Variants in PTPRM observed in about 807,000 individuals in gnomAD.
PTPRM encodes receptor-type tyrosine-protein phosphatase mu.
PTPRM carries 47 observed loss-of-function variants against 186.7 expected under a neutral mutation model. The ratio of observed to expected loss-of-function variants is 0.25; its 90% CI spans 0.20 to 0.32. PTPRM has a LOEUF of 0.32. Ranked by LOEUF, PTPRM falls within the 10% of genes least tolerant of loss-of-function variation. The probability of loss-of-function intolerance (pLI) is 1.00; values close to 1 mark genes in which losing one functional copy is unlikely to be tolerated. For missense variants in PTPRM, 1,494 were observed against 1,865.0 expected (o/e 0.80, Z 3.66); for synonymous variants, 668 against 674.9 (o/e 0.99, Z 0.16).
At chr18:8,232,133 G>T (rs931736250) in intron 14 of PTPRM, among the ~76,000 whole-genome samples, 1 of 152,114 alleles carries the variant, frequency 6.6e-6, no homozygotes, top group Admixed American at 6.5e-5. Context: ...TCATAGTCTT[G>T]CCTCTTCCAG....
chr18:7,807,976 C>T (rs1007522542), intron 2 of PTPRM, among the ~76,000 whole-genome samples: 3 of 151,980 alleles, frequency 2.0e-5, no homozygotes, highest in Non-Finnish European at 4.4e-5. Context: ...TTTTCTCACT[C>T]CAGAGATAAA....
At chr18:7,856,260 T>C (rs891054016) in intron 2 of PTPRM, among the ~76,000 whole-genome samples, 1 of 152,206 alleles carries the variant, frequency 6.6e-6, no homozygotes, top group Non-Finnish European at 1.5e-5. Flanking sequence ...CTGTCTTGAT[T>C]GCAAAGATTT....
At chr18:7,811,948 G>A (rs1247480744) in intron 2 of PTPRM, among the ~76,000 whole-genome samples, 1 of 152,166 alleles carries the variant, frequency 6.6e-6, no homozygotes, top group Non-Finnish European at 1.5e-5. Context: ...ATTACTTTAT[G>A]TAAAGTTTTC....
intron 1 of PTPRM, among the ~76,000 whole-genome samples, chr18:7,685,464 C>T (rs1413750322): frequency 6.6e-6 from 1 of 152,150 alleles, no homozygotes; most frequent in Non-Finnish European, 1.5e-5. Flanking sequence ...TATTTATATC[C>T]AGACTCTTAA....
intron 1 of PTPRM, among the ~76,000 whole-genome samples, chr18:7,579,856 AG>A (rs1466091278): frequency 6.6e-6 from 1 of 152,212 alleles, no homozygotes; most frequent in East Asian, 1.9e-4. Flanking sequence ...GATTTGTCTT[AG>A]GTGCCCCATA....
intron 22 of PTPRM, among the ~76,000 whole-genome samples, chr18:8,336,070 C>G (rs1468412384): frequency 6.6e-6 from 1 of 151,922 alleles, no homozygotes; most frequent in Non-Finnish European, 1.5e-5. Context: ...TATTACCAAC[C>G]TCTACTGCTT....
intron 19 of PTPRM, among the ~76,000 whole-genome samples, chr18:8,257,952 A>G (rs997484003): frequency 3.5e-4 from 54 of 152,164 alleles, no homozygotes; most frequent in Non-Finnish European, 8.8e-5. Flanking sequence ...TGTGGTGGGG[A>G]TGAGATGGAG....
At chr18:7,708,640 A>C (rs2040147517) in intron 1 of PTPRM, among the ~76,000 whole-genome samples, 2 of 152,140 alleles carry the variant, frequency 1.3e-5, no homozygotes, top group Admixed American at 1.3e-4. Context: ...AGGGAGAGGA[A>C]AAAAAACATG....
intron 7 of PTPRM, among the ~76,000 whole-genome samples, chr18:8,003,333 C>T (rs1355066266): frequency 1.3e-5 from 2 of 152,172 alleles, no homozygotes; most frequent in African/African-American, 4.8e-5. Flanking sequence ...ATTGTGAGGC[C>T]TCCCCAGCCA....
At chr18:8,247,347 G>A (rs536269035) in intron 15 of PTPRM, among the ~76,000 whole-genome samples, 11 of 152,180 alleles carry the variant, frequency 7.2e-5, no homozygotes, top group Admixed American at 1.3e-4. Flanking sequence ...TAAGGAACAC[G>A]CATGGAGCAC....
At chr18:7,732,025 G>T (rs539460440) in intron 1 of PTPRM, among the ~76,000 whole-genome samples, 7 of 152,290 alleles carry the variant, frequency 4.6e-5, no homozygotes, top group African/African-American at 1.7e-4. Flanking sequence ...CGTCTTGATA[G>T]AAATTATTGG....
intron 8 of PTPRM, among the ~76,000 whole-genome samples, chr18:8,070,437 G>A (rs646575): frequency 0.52 from 79,316 of 151,492 alleles, 20,784 homozygotes; most frequent in African/African-American, 0.56. Context: ...CACTAAATAG[G>A]GGCTGCCCTT....
chr18:7,965,352 A>G (rs1454702718), intron 7 of PTPRM, among the ~76,000 whole-genome samples: 3 of 152,164 alleles, frequency 2.0e-5, no homozygotes, highest in Non-Finnish European at 4.4e-5. Context: ...AGCCCACTCT[A>G]ACACTTGTAA....
intron 7 of PTPRM, among the ~76,000 whole-genome samples, chr18:8,017,582 C>CA (rs71354586): frequency 0.045 from 2,870 of 64,388 alleles, 177 homozygotes; most frequent in African/African-American, 0.075. Context: ...GACTCCTTCT[C>CA]AAAAAAAAAA....
At chr18:8,085,914 AT>A in intron 10 of PTPRM, 42 bp downstream of exon 10, 2 of 1,575,842 alleles carry the variant, frequency 1.3e-6, no homozygotes, top group Non-Finnish European at 1.7e-6. Flanking sequence ...CAGAAGTAAC[AT>A]TTTTGTCCGT....
intron 2 of PTPRM, among the ~76,000 whole-genome samples, chr18:7,881,448 C>T (rs1332041089): frequency 9.2e-5 from 14 of 152,080 alleles, no homozygotes; most frequent in African/African-American, 1.4e-4. Flanking sequence ...AGTAGGGCAG[C>T]GGGGGAAGTA....
At chr18:8,135,218 G>A (rs987181356) in intron 13 of PTPRM, among the ~76,000 whole-genome samples, 2 of 152,076 alleles carry the variant, frequency 1.3e-5, no homozygotes, top group African/African-American at 2.4e-5. Flanking sequence ...ATTCCACCAC[G>A]TTTGCCTCTT....
At chr18:7,721,610 G>A (rs951919087) in intron 1 of PTPRM, among the ~76,000 whole-genome samples, 7 of 152,100 alleles carry the variant, frequency 4.6e-5, no homozygotes, top group African/African-American at 1.7e-4. Context: ...TACATTTTGA[G>A]TTAATTTTTG....
At chr18:7,827,903 A>G (rs1047192834) in intron 2 of PTPRM, among the ~76,000 whole-genome samples, 8 of 152,242 alleles carry the variant, frequency 5.3e-5, no homozygotes, top group Non-Finnish European at 1.2e-4. Flanking sequence ...GTATTGTTAC[A>G]GGGCTATTTA....
Sources: allele counts gnomAD v4.1 joint callset (sites outside exome capture counted in the v4.1 genomes callset), GRCh38; gene constraint gnomAD v4.1.1; transcripts MANE v1.5; gene names NCBI Gene and HGNC (gene_info 2026-07-23, HGNC 2026-07-21).